The following MLLT11 variants were observed in gnomAD, a reference collection of about 807,000 sequenced individuals.
MLLT11 encodes the protein protein AF1q.
In MLLT11, 1 loss-of-function variant was observed where a neutral mutation model predicts 5.3. The ratio of observed to expected loss-of-function variants is 0.19; its 90% CI spans 0.07 to 0.89. The LOEUF is 0.89. Among genes scored for constraint, MLLT11 ranks in the 40% least tolerant of loss-of-function variants. MLLT11 has a pLI of 0.67. For synonymous variants in MLLT11, 38 were observed against 41.7 expected (o/e 0.91, Z 0.34); for missense variants, 87 against 107.3 (o/e 0.81, Z 0.83).
intron 1 of MLLT11, among the ~76,000 whole-genome samples, chr1:151,062,168 C>A (rs1676415805): frequency 1.3e-5 from 2 of 151,604 alleles, no homozygotes; most frequent in South Asian, 2.1e-4. Flanking sequence ...ACTAAAAATT[C>A]TTTTAAGTTT....
rs978022942 is a variant in MLLT11 at position 151,068,736 on chromosome 1, C to CA, written c.*1240dup. 1.3e-5 allele frequency among the ~76,000 whole-genome samples: 2 copies of CA among 152,204 alleles called. No individual in the cohort carries two copies. The highest frequency in any genetic ancestry group is 4.8e-5 in the African/African-American group (2 of 41,444). ...GGTAGCTGGGATTACAGGCGCCTGC[C>CA]ACCAGGCCTGGTTAATTTTTGTATT... is the stretch of plus-strand genomic sequence containing the variant. On this transcript the variant is annotated 3_prime_UTR_variant, in exon 2 of 2. Transcript: ENST00000368921.
chr1:151,068,683 C>T lies in MLLT11; in HGVS notation c.*1186C>T, dbSNP rs888257820. On this transcript the variant is annotated 3_prime_UTR_variant, in exon 2 of 2. Coordinates refer to ENST00000368921, the MANE Select transcript of MLLT11 (RefSeq NM_006818.4). ...CACTGCAACCTCCACCCACCAGGGT[C>T]AAGGGATCCTCCCACCTCAGGCTCC... Among the ~76,000 whole-genome samples, 20 of 152,182 alleles carry T rather than the reference C, an allele frequency of 1.3e-4. No homozygotes were observed. Among genetic ancestry groups the T allele is most frequent in the Non-Finnish European group, 2.6e-4 (18 of 68,032 alleles).
intron 1 of MLLT11, among the ~76,000 whole-genome samples, chr1:151,061,854 A>G (rs1440215899): frequency 6.6e-6 from 1 of 152,144 alleles, no homozygotes; most frequent in African/African-American, 2.4e-5. Flanking sequence ...GTCTTTCTTG[A>G]ATGTATTTGG....
In MLLT11 at chr1:151,069,452, AG is replaced by A. The variant is rs1375575368; in HGVS notation, c.*1956del. Among the ~76,000 whole-genome samples, 2 of 152,200 alleles carry A rather than the reference AG, an allele frequency of 1.3e-5. No individual in the cohort carries two copies. The highest frequency in any genetic ancestry group is 4.8e-5 in the African/African-American group (2 of 41,452). On this transcript the variant is annotated 3_prime_UTR_variant, in exon 2 of 2. Transcript: ENST00000368921. ...AGTGCGTCCTTTTCTATTTTTACTG[AG>A]TTTTGAAGGGCCCCTTCAGAGTCCT...
chr1:151,068,109 A>G lies in MLLT11; in HGVS notation c.*612A>G, dbSNP rs1301730661. ...TATGGAAAATGAAAATAGGGAAAAT[A>G]ATTGAATCATTTTAGAAGTAGCTAA... On this transcript the variant is annotated 3_prime_UTR_variant, in exon 2 of 2. Coordinates refer to ENST00000368921, the MANE Select transcript of MLLT11 (RefSeq NM_006818.4). 4.2e-6 allele frequency: 1 copy of G among 240,698 alleles called. No individual in the cohort carries two copies. The highest frequency in any genetic ancestry group is 8.8e-6 in the Non-Finnish European group (1 of 113,792). The allele number at this position is 240,698 out of a possible 1,614,324, so 14.9% of individuals were successfully genotyped here. A position where few individuals can be genotyped will look rare whatever the true frequency, so the allele number is the denominator to read the frequency against.
At chr1:151,065,801 G>A (rs976352248) in intron 1 of MLLT11, among the ~76,000 whole-genome samples, 5 of 152,150 alleles carry the variant, frequency 3.3e-5, no homozygotes, top group Non-Finnish European at 4.4e-5. Flanking sequence ...CTAGGGGAAC[G>A]GGGGTTCCTC....
intron 1 of MLLT11, among the ~76,000 whole-genome samples, chr1:151,065,884 C>G (rs1047554489): frequency 2.6e-5 from 4 of 152,290 alleles, no homozygotes; most frequent in African/African-American, 9.6e-5. Context: ...CTCTATTCCC[C>G]AGGCTGGAGT....
At chr1:151,067,039 T>C in intron 1 of MLLT11, 180 bp from the exon 2 acceptor site, 1 of 497,518 alleles carries the variant, frequency 2.0e-6, no homozygotes, top group Non-Finnish European at 3.4e-6. Context: ...TTCTTTTTTT[T>C]CCTCCCCAAA....
chr1:151,063,704 C>T (rs1337869691), intron 1 of MLLT11, among the ~76,000 whole-genome samples: 3 of 152,204 alleles, frequency 2.0e-5, no homozygotes, highest in Non-Finnish European at 2.9e-5. Flanking sequence ...GGATTACAGG[C>T]GTAAGCCACC....
In MLLT11 at chr1:151,062,653, G is replaced by A. The variant is rs377416291; in HGVS notation, c.-7+2100G>A. Among the ~76,000 whole-genome samples, 85 of 151,964 alleles carry A rather than the reference G, an allele frequency of 5.6e-4. No individual in the cohort carries two copies. In the East Asian group the frequency reaches 0.014, roughly 25 times the overall value. On this transcript the variant is annotated intron_variant, in intron 1 of 1. Transcript: ENST00000368921. The stretch of plus-strand genomic sequence containing the variant: ...TGAGATTACAGGCGTGTGCCACCGC[G>A]CCTGGCCCCATGATTCTATTTTTTA...
intron 1 of MLLT11, among the ~76,000 whole-genome samples, chr1:151,062,364 AT>A (rs587651455): frequency 0.11 from 15,252 of 136,184 alleles, 1,012 homozygotes; most frequent in African/African-American, 0.21. Context: ...CCATGATTCT[AT>A]TTTTTTTTTT....
intron 1 of MLLT11, among the ~76,000 whole-genome samples, chr1:151,066,434 G>C (rs2102981079): frequency 6.6e-6 from 1 of 152,194 alleles, no homozygotes; most frequent in South Asian, 2.1e-4. Flanking sequence ...CACCACACCT[G>C]GCTGAAATGC....
chr1:151,066,431 C>T (rs2102981078), intron 1 of MLLT11, among the ~76,000 whole-genome samples: 1 of 152,206 alleles, frequency 6.6e-6, no homozygotes, highest in Admixed American at 6.5e-5. Flanking sequence ...AGCCACCACA[C>T]CTGGCTGAAA....
rs1571858386 is a variant in MLLT11 at position 151,067,997 on chromosome 1, T to C, written c.*500T>C. On this transcript the variant is annotated 3_prime_UTR_variant, in exon 2 of 2. Transcript: ENST00000368921. ...TAAAAGGCTAAAGTGATAAGTCTCT[T>C]GCTTTTTTTTGATCCTGCTCTTATA... 6.1e-5 allele frequency: 15 copies of C among 245,008 alleles called. No homozygotes were observed. The East Asian group carries it at 9.4e-4, about 15-fold the overall frequency. 15.2% of individuals were successfully genotyped at this position (245,008 alleles called of 1,614,324 possible). A position where few individuals can be genotyped will look rare whatever the true frequency, so the allele number is the denominator to read the frequency against.
At chr1:151,064,299 G>A (rs1405801714) in intron 1 of MLLT11, among the ~76,000 whole-genome samples, 1 of 152,232 alleles carries the variant, frequency 6.6e-6, no homozygotes, top group Non-Finnish European at 1.5e-5. Flanking sequence ...GATTATAGGC[G>A]TAAGCCACTG....
intron 1 of MLLT11, among the ~76,000 whole-genome samples, chr1:151,064,362 T>G (rs1400036965): frequency 2.6e-5 from 4 of 152,056 alleles, no homozygotes; most frequent in African/African-American, 9.7e-5. Flanking sequence ...GAAGGAGAGG[T>G]AGGCTAGAGA....
Position 151,068,107 on chromosome 1 carries a change from A to T in MLLT11, c.*610A>T. The stretch of plus-strand genomic sequence containing the variant: ...ATTATGGAAAATGAAAATAGGGAAA[A>T]TAATTGAATCATTTTAGAAGTAGCT... On this transcript the variant is annotated 3_prime_UTR_variant, in exon 2 of 2. Transcript: ENST00000368921. 4.2e-6 allele frequency: 1 copy of T among 240,772 alleles called. No individual in the cohort carries two copies. Among genetic ancestry groups the T allele is most frequent in the Non-Finnish European group, 8.8e-6 (1 of 113,758 alleles). 14.9% of individuals were successfully genotyped at this position (240,772 alleles called of 1,614,324 possible). A position where few individuals can be genotyped will look rare whatever the true frequency, so the allele number is the denominator to read the frequency against.
intron 1 of MLLT11, among the ~76,000 whole-genome samples, chr1:151,065,822 G>A (rs1676468265): frequency 6.6e-6 from 1 of 152,054 alleles, no homozygotes; most frequent in Non-Finnish European, 1.5e-5. Flanking sequence ...TATAGACTTG[G>A]AGTTTTTTGT....
At chr1:151,061,405 T>C (rs1366451625) in intron 1 of MLLT11, among the ~76,000 whole-genome samples, 3 of 152,176 alleles carry the variant, frequency 2.0e-5, no homozygotes, top group African/African-American at 7.2e-5. Flanking sequence ...GGCGTGTCTG[T>C]GTGGCTCCGA....
Sources: allele counts gnomAD v4.1 joint callset (sites outside exome capture counted in the v4.1 genomes callset), GRCh38; gene constraint gnomAD v4.1.1; transcripts MANE v1.5; gene names NCBI Gene and HGNC (gene_info 2026-07-23, HGNC 2026-07-21).